PCDH15: variants seen among roughly 807,000 people sequenced by gnomAD.
PCDH15 encodes the protein protocadherin-15.
Under a neutral mutation model 178.5 loss-of-function variants are expected in PCDH15, and 129 were observed. The observed-to-expected ratio is 0.72, with a 90% confidence interval of 0.63 to 0.84. The LOEUF (loss-of-function observed/expected upper bound fraction) is 0.84, where lower values mean the gene tolerates loss of function less well. Ranked by LOEUF, PCDH15 falls within the 40% of genes least tolerant of loss-of-function variation. PCDH15 has a pLI of 0.00. For synonymous variants in PCDH15, 800 were observed against 732.0 expected, an observed-to-expected ratio of 1.09 and a Z score of -1.50; for missense variants, 2,230 against 2,099.9, an observed-to-expected ratio of 1.06 and a Z score of -1.21.
intron 8 of PCDH15, among the ~76,000 whole-genome samples, chr10:54,299,244 AGAGT>A (rs1185766938): frequency 6.6e-6 from 1 of 152,116 alleles, no homozygotes; most frequent in Non-Finnish European, 1.5e-5. Flanking sequence ...AAGAAGTCAA[AGAGT>A]GAGAGAGAGG....
chr10:53,950,831 C>T (rs2086963282), intron 23 of PCDH15, among the ~76,000 whole-genome samples: 1 of 152,300 alleles, frequency 6.6e-6, no homozygotes, highest in Middle Eastern at 3.4e-3. Context: ...TTTAATGACT[C>T]TGACATTGTA....
chr10:55,528,125 C>A (rs573511234), intron 2 of PCDH15, among the ~76,000 whole-genome samples: 3 of 152,156 alleles, frequency 2.0e-5, no homozygotes, highest in South Asian at 4.1e-4. Context: ...TAGACTTGAC[C>A]TCCTGGGCTC....
chr10:54,918,830 A>G (rs1837411286), intron 2 of PCDH15, among the ~76,000 whole-genome samples: 7 of 152,152 alleles, frequency 4.6e-5, no homozygotes, highest in Admixed American at 4.6e-4. Flanking sequence ...GTCCATATAA[A>G]CCTAATTTAA....
In PCDH15 at chr10:55,406,035, A is replaced by T. The variant is rs74555181; in HGVS notation, c.-156+221590T>A. Among the ~76,000 whole-genome samples the T allele has an allele frequency of 7.8e-3, 1,175 of 149,966 alleles. 15 individuals are homozygous for T. The highest frequency in any genetic ancestry group is 0.026 in the African/African-American group (1,057 of 40,430). On this transcript the variant is annotated intron_variant, in intron 2 of 5. Coordinates refer to the PCDH15 transcript ENST00000613346. ...AGGAAGTGATGATAGATTTTTAGTC[A>T]TGTGGCTATCTAGTTGGCAGCATGT...
chr10:54,212,469 G>T lies in PCDH15; in HGVS notation c.1098+1467C>A, dbSNP rs143887000. Among the ~76,000 whole-genome samples, 1,008 of 152,080 alleles carry T rather than the reference G, an allele frequency of 6.6e-3. 8 individuals carry two copies. The highest frequency in any genetic ancestry group is 0.023 in the African/African-American group (943 of 41,504). On this transcript the variant is annotated intron_variant, in intron 10 of 37. Transcript: ENST00000644397. ...ATTATGTCTCCAAGCGTTTACTTCT[G>T]TGCCTCCTTATGTTCAAACATCATT... is the stretch of plus-strand genomic sequence containing the variant.
intron 1 of PCDH15, among the ~76,000 whole-genome samples, chr10:54,689,968 G>GT (rs1348924731): frequency 6.6e-6 from 1 of 152,132 alleles, no homozygotes; most frequent in African/African-American, 2.4e-5. Flanking sequence ...TTGAACATAG[G>GT]TTATAAGCAA....
At chr10:54,424,807 A>T (rs1420527409) in intron 3 of PCDH15, among the ~76,000 whole-genome samples, 4 of 145,774 alleles carry the variant, frequency 2.7e-5, no homozygotes, top group African/African-American at 1.0e-4. Flanking sequence ...GGAATTGAAC[A>T]ATGAGAACAC....
chr10:54,509,213 G>C (rs576998281), intron 3 of PCDH15, among the ~76,000 whole-genome samples: 5 of 152,102 alleles, frequency 3.3e-5, no homozygotes, highest in Admixed American at 6.6e-5. Flanking sequence ...TTGAATTGTA[G>C]CTCCCATAAT....
intron 13 of PCDH15, among the ~76,000 whole-genome samples, chr10:54,171,432 C>A (rs949280748): frequency 1.3e-5 from 2 of 152,112 alleles, no homozygotes; most frequent in Non-Finnish European, 2.9e-5. Flanking sequence ...TTTTATTAAG[C>A]CCCAGTCTCA....
At chr10:54,171,234 C>A (rs184061674) in intron 13 of PCDH15, among the ~76,000 whole-genome samples, 54 of 152,132 alleles carry the variant, frequency 3.5e-4, no homozygotes, top group African/African-American at 1.3e-3. Context: ...CCTTTATATC[C>A]CTTACGGTCC....
chr10:54,025,943 TC>T (rs2093072932), intron 18 of PCDH15, among the ~76,000 whole-genome samples: 1 of 152,202 alleles, frequency 6.6e-6, no homozygotes, highest in South Asian at 2.1e-4. Flanking sequence ...TACATTATGC[TC>T]CCTTGGACAA....
intron 17 of PCDH15, among the ~76,000 whole-genome samples, chr10:54,069,839 AAC>A (rs2094205911): frequency 6.6e-6 from 1 of 152,164 alleles, no homozygotes; most frequent in African/African-American, 2.4e-5. Context: ...AGCAAATGAA[AAC>A]AGATCACTTT....
intron 5 of PCDH15, among the ~76,000 whole-genome samples, chr10:54,348,382 T>G (rs866819634): frequency 6.6e-6 from 1 of 152,144 alleles, no homozygotes; most frequent in Non-Finnish European, 1.5e-5. Flanking sequence ...GTTTAAGTAG[T>G]ACCTATGAGG....
chr10:54,625,761 G>C (rs1484310400), intron 2 of PCDH15, among the ~76,000 whole-genome samples: 2 of 152,150 alleles, frequency 1.3e-5, no homozygotes, highest in Admixed American at 1.3e-4. Context: ...GGTACCAGTA[G>C]AGTGAAGCTT....
intron 2 of PCDH15, among the ~76,000 whole-genome samples, chr10:55,008,676 A>G (rs1839984664): frequency 6.6e-6 from 1 of 152,120 alleles, no homozygotes; most frequent in South Asian, 2.1e-4. Context: ...CAACAAGTAA[A>G]TCCGTGGACT....
rs202010562 is a variant in PCDH15 at position 53,823,009 on chromosome 10, G to C, written c.4368-2779C>G. On this transcript the variant is annotated intron_variant, in intron 32 of 37. Coordinates refer to ENST00000644397, the MANE Select transcript of PCDH15 (RefSeq NM_001384140.1). The stretch of plus-strand genomic sequence containing the variant: ...GGTAAGCTGACTGACTGACTCCACA[G>C]CCTCTGAATCTTTTCTCTTGGGCCC... 72 of 1,613,840 alleles carry C rather than the reference G, an allele frequency of 4.5e-5. No individual in the cohort carries two copies. The highest frequency in any genetic ancestry group is 5.8e-5 in the Non-Finnish European group (69 of 1,179,930).
intron 1 of PCDH15, among the ~76,000 whole-genome samples, chr10:55,185,377 T>A (rs1839766803): frequency 6.6e-6 from 1 of 151,764 alleles, no homozygotes; most frequent in Admixed American, 6.6e-5. Flanking sequence ...TTCTATAAAC[T>A]AGGCCTCTTA....
At chr10:55,238,268 G>A (rs967827346) in intron 1 of PCDH15, among the ~76,000 whole-genome samples, 1 of 150,062 alleles carries the variant, frequency 6.7e-6, no homozygotes, top group Non-Finnish European at 1.5e-5. Context: ...TCCTGCCTCA[G>A]CCTCCCGAGT....
chr10:55,113,378 T>G (rs2132058383), intron 2 of PCDH15, among the ~76,000 whole-genome samples: 1 of 152,232 alleles, frequency 6.6e-6, no homozygotes, highest in Admixed American at 6.5e-5. Flanking sequence ...TATGTTAATT[T>G]TTAAGAGCTT....
Sources: gnomAD v4.1 joint callset for allele counts (sites outside exome capture counted in the v4.1 genomes callset) on GRCh38, gnomAD v4.1.1 for gene constraint, MANE v1.5 for transcripts, NCBI Gene and HGNC (gene_info 2026-07-23, HGNC 2026-07-21) for gene names.